The following GABRR2 variants were observed in gnomAD, a reference collection of about 807,000 sequenced individuals.
GABRR2 encodes gamma-aminobutyric acid type A receptor subunit rho2.
GABRR2 carries 36 observed loss-of-function variants against 47.0 expected under a neutral mutation model. That is an observed-to-expected ratio of 0.77 (90% confidence interval 0.59 to 1.01). The LOEUF (loss-of-function observed/expected upper bound fraction) is 1.01. Among genes scored for constraint, GABRR2 ranks in the 50% least tolerant of loss-of-function variants. The pLI, the probability that GABRR2 is intolerant of heterozygous loss-of-function variation, is 0.00. For synonymous variants in GABRR2, 204 were observed against 227.5 expected (o/e 0.90, Z 0.93); for missense variants, 587 against 594.6 (o/e 0.99, Z 0.13).
At chr6:89,308,829 A>G (rs1459027449) in intron 1 of GABRR2, among the ~76,000 whole-genome samples, 2 of 152,240 alleles carry the variant, frequency 1.3e-5, no homozygotes, top group African/African-American at 4.8e-5. Flanking sequence ...ATTTTTATAG[A>G]GCATCTACGT....
chr6:89,264,292 C>T lies in GABRR2; in HGVS notation c.1086+120G>A, dbSNP rs570198710. The T allele has an allele frequency of 7.8e-5, 93 of 1,184,764 alleles. No homozygotes were observed. In the Admixed American group the frequency reaches 8.9e-4, roughly 11 times the overall value. The allele number at this position is 1,184,764 out of a possible 1,614,324, so 73.4% of individuals were successfully genotyped here. A position where few individuals can be genotyped will look rare whatever the true frequency, so the allele number is the denominator to read the frequency against. ...ACCTATTCTAAAACAAGATCCTCCT[C>T]GTTTTGCACAAACATCTCCTTTTTC... On this transcript the variant is annotated intron_variant, in intron 8 of 8. Coordinates refer to ENST00000402938, the MANE Select transcript of GABRR2 (RefSeq NM_002043.5).
chr6:89,298,226 C>A (rs1217476804), intron 2 of GABRR2, among the ~76,000 whole-genome samples: 1 of 152,092 alleles, frequency 6.6e-6, no homozygotes, highest in Non-Finnish European at 1.5e-5. Flanking sequence ...GGTGTCAGAG[C>A]TCAGGGAATT....
rs1016860444 is a variant in GABRR2 at position 89,257,597 on chromosome 6, C to G, written c.*73G>C. ...TGTTTGGTGAGGGGCGTGTGGTCAACAAGTCCGTCTGTCAATGACTGGCCA... is the reference window on the plus strand; with the variant it reads ...TGTTTGGTGAGGGGCGTGTGGTCAAGAAGTCCGTCTGTCAATGACTGGCCA... On this transcript the variant is annotated 3_prime_UTR_variant, in exon 9 of 9. Transcript: ENST00000402938. 8.0e-7 allele frequency: 1 copy of G among 1,251,254 alleles called. No homozygotes were observed. Among genetic ancestry groups the G allele is most frequent in the Non-Finnish European group, 1.1e-6 (1 of 899,602 alleles). 77.5% of individuals were successfully genotyped at this position (1,251,254 alleles called of 1,614,324 possible). A position where few individuals can be genotyped will look rare whatever the true frequency, so the allele number is the denominator to read the frequency against.
At chr6:89,307,192 GCT>G (rs1562392387) in intron 1 of GABRR2, among the ~76,000 whole-genome samples, 2 of 152,084 alleles carry the variant, frequency 1.3e-5, no homozygotes, top group African/African-American at 4.8e-5. Flanking sequence ...ATCTCAAGTG[GCT>G]TTTAAAAACC....
At chr6:89,271,891 T>A (rs905836539) in intron 2 of GABRR2, among the ~76,000 whole-genome samples, 169 bp from the exon 3 acceptor site, 1 of 152,200 alleles carries the variant, frequency 6.6e-6, no homozygotes, top group Non-Finnish European at 1.5e-5. Context: ...GTGTCTGAGC[T>A]CTCTCCACAA....
intron 2 of GABRR2, among the ~76,000 whole-genome samples, chr6:89,280,226 ATAT>A (rs1200299595): frequency 3.9e-4 from 29 of 74,162 alleles, no homozygotes; most frequent in African/African-American, 1.2e-3. Flanking sequence ...ATATATATAT[ATAT>A]ATATATATAT....
At chr6:89,307,146 C>A (rs1020647496) in intron 1 of GABRR2, among the ~76,000 whole-genome samples, 1 of 152,130 alleles carries the variant, frequency 6.6e-6, no homozygotes, top group Non-Finnish European at 1.5e-5. Flanking sequence ...CATCTGTAAC[C>A]CAGATGCTTC....
At position 89,267,804 on chromosome 6, in the gene GABRR2, T is replaced by G; in HGVS notation, c.611A>C (p.Glu204Ala). 1.2e-6 allele frequency: 2 copies of G among 1,613,444 alleles called. No homozygotes were observed. Among genetic ancestry groups the G allele is most frequent in the Non-Finnish European group, 1.7e-6 (2 of 1,179,728 alleles). The change falls in exon 6 of 9, where the codon GAA (glutamate) becomes GCA (alanine). Residue 204 changes from glutamate to alanine, a missense_variant. Physicochemically the swap from Glu to Ala is moderately radical, Grantham distance 107. Coordinates refer to ENST00000402938, the MANE Select transcript of GABRR2 (RefSeq NM_002043.5). The part of the protein sequence containing the change: ...LELESYAYTD[E>A]DLMLYWKNGD... Reference sequence around the variant, plus strand: ...ATTCTTCCAGTACAGCATTAGATCTTCATCTGTATAGGCATCTTTGGGAAG... The same window carrying G: ...ATTCTTCCAGTACAGCATTAGATCTGCATCTGTATAGGCATCTTTGGGAAG...
chr6:89,264,165 C>G (rs1449857437), intron 8 of GABRR2, among the ~76,000 whole-genome samples: 1 of 152,156 alleles, frequency 6.6e-6, no homozygotes, highest in Non-Finnish European at 1.5e-5. Context: ...AACTGAGGCT[C>G]AGCATAGGTG....
chr6:89,309,827 G>C (rs1370981188), intron 1 of GABRR2, among the ~76,000 whole-genome samples: 1 of 151,898 alleles, frequency 6.6e-6, no homozygotes. Context: ...ACCCAGGCTG[G>C]AGTGCAGTTG....
At position 89,267,741 on chromosome 6, in the gene GABRR2, AAGG is replaced by A. The variant is rs1354549528; in HGVS notation, c.671_673del (p.Ser224del). The A allele has an allele frequency of 4.3e-6, 7 of 1,613,844 alleles. No homozygotes were observed. Among genetic ancestry groups the A allele is most frequent in the Non-Finnish European group, 5.9e-6 (7 of 1,179,842 alleles). ...AAATTTCTGAATCAGAAACTGAGAC[AAGG>A]AGATCTTCTCATCTGTTTTTAGGGA... is the stretch of plus-strand genomic sequence containing the variant. On this transcript the variant is annotated inframe_deletion, in exon 6 of 9. Coordinates refer to ENST00000402938, the MANE Select transcript of GABRR2 (RefSeq NM_002043.5).
intron 1 of GABRR2, among the ~76,000 whole-genome samples, chr6:89,313,586 CT>C (rs1018885475): frequency 7.4e-6 from 1 of 135,296 alleles, no homozygotes; most frequent in African/African-American, 3.5e-5. Flanking sequence ...GGGTTTTGAT[CT>C]GTTTGCCTTC....
At position 89,271,544 on chromosome 6, in the gene GABRR2, G is replaced by A. The variant is rs116067113; in HGVS notation, c.288+111C>T. 773 of 886,094 alleles carry A rather than the reference G, an allele frequency of 8.7e-4. 4 individuals carry two copies. The African/African-American group carries it at 0.012, about 13-fold the overall frequency. 54.9% of individuals were successfully genotyped at this position (886,094 alleles called of 1,614,324 possible). Reference sequence around the variant, plus strand: ...ACTGCTCCAGGGCCGACTTCCAAGCGCCCATTTTATCACCTCCAGCTCCCG... The same window carrying A: ...ACTGCTCCAGGGCCGACTTCCAAGCACCCATTTTATCACCTCCAGCTCCCG... On this transcript the variant is annotated intron_variant, in intron 3 of 8. Transcript: ENST00000402938.
In GABRR2 at chr6:89,288,168, T is replaced by A. The variant is rs112009725; in HGVS notation, c.220+11591A>T. Among the ~76,000 whole-genome samples, 1,070 of 152,220 alleles carry A rather than the reference T, an allele frequency of 7.0e-3. 15 individuals carry two copies. Among genetic ancestry groups the A allele is most frequent in the African/African-American group, 0.023 (958 of 41,534 alleles). On this transcript the variant is annotated intron_variant, in intron 2 of 8. Transcript: ENST00000402938. ...AGAATTCAACAGGAATGATGATGGCTGCAAACTTCCATCTGCTGGTTTCTC... is the reference window on the plus strand; with the variant it reads ...AGAATTCAACAGGAATGATGATGGCAGCAAACTTCCATCTGCTGGTTTCTC...
rs767921107 is a variant in GABRR2, at chr6:89,265,635, A to G, written c.867T>C (p.Ala289=). ...TACCCAGTGAAACTCTGGCAGGCAC[A>G]GCTCTGCGGTCGATCCAGAAGGACA... ...SWVSFWIDRR[A]VPARVSLGIT... The change falls in exon 7 of 9, where the codon GCT becomes GCC. Residue 289 remains alanine, a synonymous_variant. Coordinates refer to ENST00000402938, the MANE Select transcript of GABRR2 (RefSeq NM_002043.5). The G allele has an allele frequency of 6.2e-7, 1 of 1,613,936 alleles. No homozygotes were observed. Among genetic ancestry groups the G allele is most frequent in the Non-Finnish European group, 8.5e-7 (1 of 1,179,984 alleles).
At chr6:89,292,837 C>T (rs1219088130) in intron 2 of GABRR2, among the ~76,000 whole-genome samples, 1 of 101,180 alleles carries the variant, frequency 9.9e-6, no homozygotes, top group African/African-American at 3.8e-5. Context: ...ATCGTATATA[C>T]GATATATCGT....
chr6:89,269,428 T>C, intron 3 of GABRR2, 194 bp from the exon 4 acceptor site: 1 of 584,204 alleles, frequency 1.7e-6, no homozygotes, highest in Non-Finnish European at 3.1e-6. Context: ...CATCATGCGC[T>C]TGGAGCCCAG....
chr6:89,298,884 C>T (rs747267997), intron 2 of GABRR2, among the ~76,000 whole-genome samples: 1 of 152,046 alleles, frequency 6.6e-6, no homozygotes, highest in African/African-American at 2.4e-5. Flanking sequence ...GAAAAGAGGC[C>T]CTAGAGAGCT....
intron 1 of GABRR2, chr6:89,302,415 C>A: frequency 1.8e-6 from 1 of 567,674 alleles, no homozygotes; most frequent in Non-Finnish European, 3.5e-6. Context: ...GCGTCAGCAC[C>A]CTCAGGCTGG....
Sources: gnomAD v4.1 joint callset for allele counts (sites outside exome capture counted in the v4.1 genomes callset) on GRCh38, gnomAD v4.1.1 for gene constraint, MANE v1.5 for transcripts, NCBI Gene and HGNC (gene_info 2026-07-23, HGNC 2026-07-21) for gene names.